The following MAPK6 variants were observed in gnomAD, a reference collection of about 807,000 sequenced individuals.
The protein encoded by MAPK6 is ERK-3.
A neutral mutation model predicts 59.3 loss-of-function variants in MAPK6; 19 were observed. The observed-to-expected ratio is 0.32, with a 90% CI of 0.22 to 0.47. The LOEUF (loss-of-function observed/expected upper bound fraction) is 0.47. Among genes scored for constraint, MAPK6 ranks in the 20% least tolerant of loss-of-function variants. The pLI is 1.00. For missense variants in MAPK6, 724 were observed against 847.9 expected (o/e 0.85, Z 1.81); for synonymous variants, 316 against 290.3 (o/e 1.09, Z -0.90).
At chr15:52,033,581 C>G (rs1595986487) in intron 1 of MAPK6, 1 of 152,206 alleles carries the variant, frequency 6.6e-6, no homozygotes, top group Non-Finnish European at 1.5e-5. Flanking sequence ...CTGTTAGCCT[C>G]CCTGCTTTTG....
chr15:52,015,130 A>G (rs2030197453), upstream of MAPK6, among the ~76,000 whole-genome samples: 1 of 151,872 alleles, frequency 6.6e-6, no homozygotes, highest in African/African-American at 2.4e-5. Flanking sequence ...CCTCCTGAGT[A>G]GCTGGGATTA....
intron 2 of MAPK6, 46 bp downstream of exon 2, chr15:52,047,061 C>G: frequency 7.4e-7 from 1 of 1,351,666 alleles, no homozygotes; most frequent in South Asian, 1.7e-5. Flanking sequence ...ACTGATACAC[C>G]TAATCAGGAA....
At chr15:52,050,406 C>T (rs1050607559) in intron 3 of MAPK6, among the ~76,000 whole-genome samples, 2 of 152,134 alleles carry the variant, frequency 1.3e-5, no homozygotes, top group Non-Finnish European at 2.9e-5. Context: ...TGTGTTGATA[C>T]TTAAGTTGCA....
chr15:52,015,930 C>CA (rs111987994), upstream of MAPK6, among the ~76,000 whole-genome samples: 38 of 149,056 alleles, frequency 2.5e-4, no homozygotes, highest in South Asian at 4.2e-4. Flanking sequence ...TGGTGGCGCG[C>CA]CCTGTAATCC....
intron 1 of MAPK6, among the ~76,000 whole-genome samples, chr15:52,030,467 A>T (rs1595984143): frequency 6.6e-6 from 1 of 152,204 alleles, no homozygotes; most frequent in South Asian, 2.1e-4. Context: ...GTGTAACGTG[A>T]TTCTGGACTG....
At chr15:52,036,208 T>G (rs539934013) in intron 1 of MAPK6, among the ~76,000 whole-genome samples, 2 of 152,304 alleles carry the variant, frequency 1.3e-5, no homozygotes, top group African/African-American at 4.8e-5. Context: ...TTTGTTTTCC[T>G]GATGAGGAAC....
chr15:52,051,759 A>C (rs1007377923), intron 3 of MAPK6, among the ~76,000 whole-genome samples: 7 of 152,018 alleles, frequency 4.6e-5, no homozygotes, highest in Non-Finnish European at 7.4e-5. Flanking sequence ...CTGTAATCCC[A>C]GCTACTGGGG....
At chr15:52,021,597 A>G (rs1336496229) in intron 1 of MAPK6, 1 of 152,186 alleles carries the variant, frequency 6.6e-6, no homozygotes, top group African/African-American at 2.4e-5. Context: ...TGCTGAAATT[A>G]AATGTTTGAT....
intron 4 of MAPK6, 90 bp downstream of exon 4, chr15:52,058,887 T>TG: frequency 9.1e-7 from 1 of 1,096,754 alleles, no homozygotes; most frequent in Non-Finnish European, 1.3e-6. Flanking sequence ...TCCTTAGATA[T>TG]GGGGCTTTCT....
rs1277060970 is a variant in MAPK6 at position 52,064,718 on chromosome 15, C to G, written c.1884C>G (p.Tyr628Ter). The change falls in exon 6 of 6, where the codon TAC (tyrosine) becomes TAG (stop). Residue 628 changes from tyrosine (Y) to a stop codon, truncating the protein, a stop_gained. Transcript: ENST00000261845. LOFTEE classifies it high-confidence loss of function. The part of the protein sequence containing the change: ...QVEKENTYTS[Y>*]LDKFFSRKED... ...AGAAGGAAAACACTTACACTAGTTACTTGGACAAGTTCTTTAGCAGGAAAG... is the reference window on the plus strand; with the variant it reads ...AGAAGGAAAACACTTACACTAGTTAGTTGGACAAGTTCTTTAGCAGGAAAG... The G allele has an allele frequency of 6.2e-7, 1 of 1,611,754 alleles. No homozygotes were observed. The highest frequency in any genetic ancestry group is 8.5e-7 in the Non-Finnish European group (1 of 1,179,780).
chr15:52,033,388 G>C (rs1433062211), intron 1 of MAPK6, among the ~76,000 whole-genome samples: 2 of 152,216 alleles, frequency 1.3e-5, no homozygotes, highest in African/African-American at 4.8e-5. Context: ...GCAGGTGGAA[G>C]AAGATGGGAT....
chr15:52,045,645 G>A (rs1411571952), intron 1 of MAPK6, among the ~76,000 whole-genome samples, 185 bp from the exon 2 acceptor site: 3 of 152,188 alleles, frequency 2.0e-5, no homozygotes, highest in African/African-American at 7.2e-5. Context: ...CAACGTGTGT[G>A]AATTGCTGAT....
intron 1 of MAPK6, chr15:52,021,326 A>G (rs1039516120): frequency 6.8e-6 from 1 of 147,918 alleles, no homozygotes; most frequent in East Asian, 2.0e-4. Flanking sequence ...TTTGAGTTGG[A>G]TGATGACTCA....
At chr15:52,027,617 A>ATTTTTTT (rs11434208) in intron 1 of MAPK6, 1 of 131,054 alleles carries the variant, frequency 7.6e-6, no homozygotes, top group Non-Finnish European at 1.6e-5. Context: ...TTTAATCTTA[A>ATTTTTTT]TTTTTTTTTT....
chr15:52,045,502 G>A (rs375964680), intron 1 of MAPK6, among the ~76,000 whole-genome samples: 1 of 152,046 alleles, frequency 6.6e-6, no homozygotes, highest in Non-Finnish European at 1.5e-5. Context: ...TGTTACTAAC[G>A]TTTTACCCCT....
chr15:52,050,906 G>T (rs1334080048), intron 3 of MAPK6, among the ~76,000 whole-genome samples: 3 of 152,176 alleles, frequency 2.0e-5, no homozygotes, highest in Non-Finnish European at 4.4e-5. Context: ...GATGGGGTCG[G>T]AATACTAGAA....
intron 2 of MAPK6, among the ~76,000 whole-genome samples, chr15:51,987,762 C>CTT (rs775968493): frequency 0.026 from 3,281 of 125,448 alleles, 301 homozygotes; most frequent in African/African-American, 0.11. Flanking sequence ...GCTCATAGTA[C>CTT]TTTTTTTTTT....
chr15:51,991,705 G>T (rs1002698202), intron 2 of MAPK6, among the ~76,000 whole-genome samples: 3 of 152,216 alleles, frequency 2.0e-5, no homozygotes, highest in Non-Finnish European at 4.4e-5. Flanking sequence ...ATCGGCAAAG[G>T]CTTTAGGTAG....
rs1261241478 is a variant in MAPK6, at chr15:52,046,524, G to T, written c.64G>T (p.Asp22Tyr). The T allele has an allele frequency of 6.2e-7, 1 of 1,614,012 alleles. No homozygotes were observed. Among genetic ancestry groups the T allele is most frequent in the Non-Finnish European group, 8.5e-7 (1 of 1,179,896 alleles). Reference protein sequence around the residue: ...HGFDLGSRYMDLKPLGCGGNG... With the variant: ...HGFDLGSRYMYLKPLGCGGNG... ...TTTTGATCTGGGTTCTAGGTATATG[G>T]ACTTAAAACCATTGGGTTGTGGAGG... The change falls in exon 2 of 6, where the codon GAC (aspartate) becomes TAC (tyrosine). Residue 22 changes from aspartate (D) to tyrosine (Y), a missense_variant. This residue lies in a region of MAPK6 where 30 missense variants were observed against 55.3 expected (regional missense o/e 0.54). Coordinates refer to ENST00000261845, the MANE Select transcript of MAPK6 (RefSeq NM_002748.4).
Sources: allele counts gnomAD v4.1 joint callset (sites outside exome capture counted in the v4.1 genomes callset), GRCh38; gene constraint gnomAD v4.1.1; regional missense constraint gnomAD v4.1.1; transcripts MANE v1.5; gene names NCBI Gene and HGNC (gene_info 2026-07-23, HGNC 2026-07-21).